Variants in SDF2 observed in about 807,000 individuals in gnomAD.
SDF2 encodes the protein stromal cell-derived factor 2.
SDF2 carries 12 observed loss-of-function variants against 20.5 expected under a neutral mutation model. The ratio of observed to expected loss-of-function variants is 0.58; its 90% CI spans 0.37 to 0.95. The LOEUF is 0.95. Among genes scored for constraint, SDF2 ranks in the 40% least tolerant of loss-of-function variants. The probability of loss-of-function intolerance (pLI) is 0.01; values close to 1 mark genes in which losing one functional copy is unlikely to be tolerated. For synonymous variants in SDF2, 100 were observed against 101.0 expected (o/e 0.99, Z 0.06); for missense variants, 238 against 263.1 (o/e 0.90, Z 0.66).
At position 28,657,260 on chromosome 17, in the gene SDF2, C is replaced by T. The variant is rs78759092; in HGVS notation, c.152-1777G>A. Among the ~76,000 whole-genome samples, 1,226 of 151,980 alleles carry T rather than the reference C, an allele frequency of 8.1e-3. 49 individuals are homozygous for T. Among genetic ancestry groups the T allele is most frequent in the Admixed American group, 0.056 (858 of 15,234 alleles). On this transcript the variant is annotated intron_variant, in intron 1 of 2. Coordinates refer to ENST00000247020, the MANE Select transcript of SDF2 (RefSeq NM_006923.4). ...AACAAAAACAAAACAAAAAATGTAT[C>T]CTTGGAGGTCTGGCACAGTGGCTCA...
intron 2 of SDF2, among the ~76,000 whole-genome samples, chr17:28,649,652 T>C (rs910724783): frequency 6.7e-6 from 1 of 149,954 alleles, no homozygotes; most frequent in Non-Finnish European, 1.5e-5. Context: ...GAGAATCGCT[T>C]GAACCCGGGA....
intron 1 of SDF2, 63 bp downstream of exon 1, chr17:28,661,663 G>GCCCCGCCCCTCCAGAGCCTCCGAGTCCT: frequency 6.4e-7 from 1 of 1,551,752 alleles, no homozygotes; most frequent in South Asian, 1.1e-5. Context: ...TATTCTATAG[G>GCCCCGCCCCTCCAGAGCCTCCGAGTCCT]CCCCGCCCCT....
rs2071888223 is a variant in SDF2 at position 28,648,951 on chromosome 17, G to C, written c.*38C>G. 1 of 1,599,876 alleles carries C rather than the reference G, an allele frequency of 6.3e-7. No homozygotes were observed. ...AGGTGAGGCAGCAACAGATGTCTGT[G>C]AACATTGTGCGTTAACAGTGGCTCA... is the stretch of plus-strand genomic sequence containing the variant. On this transcript the variant is annotated 3_prime_UTR_variant, in exon 3 of 3. Coordinates refer to ENST00000247020, the MANE Select transcript of SDF2 (RefSeq NM_006923.4).
At chr17:28,658,931 T>G (rs1292878340) in intron 1 of SDF2, among the ~76,000 whole-genome samples, 1 of 132,290 alleles carries the variant, frequency 7.6e-6, no homozygotes, top group East Asian at 2.4e-4. Flanking sequence ...AGCTCCTCAC[T>G]TAACAGACTG....
In SDF2 at chr17:28,649,201, AG is replaced by A. The variant is rs1333983374; in HGVS notation, c.423del (p.Trp142GlyfsTer2). On this transcript the variant is annotated frameshift_variant, in exon 3 of 3. Coordinates refer to ENST00000247020, the MANE Select transcript of SDF2 (RefSeq NM_006923.4). LOFTEE classifies it high-confidence loss of function. ...AACCGCACCTCACCATCTCTCACCCAGTAGGGTCCATTACAGAGCACTGTCC... is the reference window on the plus strand; with the variant it reads ...AACCGCACCTCACCATCTCTCACCCATAGGGTCCATTACAGAGCACTGTCC... Reference protein sequence around the residue: ...DDWTVLCNGPYWVRDGEVRFK... With the variant: ...DDWTVLCNGPXWVRDGEVRFK... 1 of 1,614,232 alleles carries A rather than the reference AG, an allele frequency of 6.2e-7. No individual in the cohort carries two copies. The highest frequency in any genetic ancestry group is 8.5e-7 in the Non-Finnish European group (1 of 1,180,026).
At chr17:28,651,710 C>T (rs2071915960) in intron 2 of SDF2, 1 of 152,110 alleles carries the variant, frequency 6.6e-6, no homozygotes, top group South Asian at 2.1e-4. Flanking sequence ...CATCTAAATC[C>T]CATCTTCCTT....
chr17:28,661,205 G>T, intron 1 of SDF2: 1 of 454,454 alleles, frequency 2.2e-6, no homozygotes. Flanking sequence ...AGGAGCAAGT[G>T]TAAGATGCAG....
chr17:28,649,986 C>G (rs1442350914), intron 2 of SDF2, among the ~76,000 whole-genome samples: 1 of 151,380 alleles, frequency 6.6e-6, no homozygotes, highest in East Asian at 2.0e-4. Context: ...GAGTATCGCT[C>G]TTGTTGCCCA....
chr17:28,655,201 G>A, intron 2 of SDF2, 86 bp downstream of exon 2: 2 of 1,310,578 alleles, frequency 1.5e-6, no homozygotes, highest in South Asian at 2.5e-5. Context: ...TCTACACCTA[G>A]AAAAGAAACA....
chr17:28,652,672 A>C (rs1597669110), intron 2 of SDF2, among the ~76,000 whole-genome samples: 2 of 152,224 alleles, frequency 1.3e-5, no homozygotes, highest in Non-Finnish European at 2.9e-5. Flanking sequence ...ACAAGCTTAC[A>C]TAAGGCCTAG....
chr17:28,659,727 G>A (rs2072005322), intron 1 of SDF2, among the ~76,000 whole-genome samples: 1 of 151,094 alleles, frequency 6.6e-6, no homozygotes, highest in South Asian at 2.1e-4. Context: ...CGGGGTGGCG[G>A]CCGGGCAGAG....
At chr17:28,658,115 G>A (rs962763074) in intron 1 of SDF2, among the ~76,000 whole-genome samples, 12 of 152,056 alleles carry the variant, frequency 7.9e-5, no homozygotes, top group African/African-American at 1.7e-4. Context: ...TCACAGCCAC[G>A]CTTCACTAAA....
intron 2 of SDF2, among the ~76,000 whole-genome samples, chr17:28,653,481 T>C (rs913566681): frequency 1.3e-5 from 2 of 152,196 alleles, no homozygotes; most frequent in African/African-American, 4.8e-5. Flanking sequence ...GGCAAGTATA[T>C]GTAATGTGGT....
At chr17:28,655,848 C>T (rs1567677202) in intron 1 of SDF2, 1 of 256,788 alleles carries the variant, frequency 3.9e-6, no homozygotes, top group African/African-American at 2.2e-5. Context: ...AAACCAGAGA[C>T]ATGGCTAAGC....
intron 2 of SDF2, among the ~76,000 whole-genome samples, chr17:28,650,803 C>CCA (rs2071907712): frequency 5.2e-5 from 1 of 19,074 alleles, no homozygotes; most frequent in African/African-American, 1.9e-4. Flanking sequence ...GACTTTGTCT[C>CCA]AAAAAAAAAA....
intron 1 of SDF2, among the ~76,000 whole-genome samples, chr17:28,659,407 C>T (rs1362943847): frequency 6.3e-5 from 9 of 143,386 alleles, no homozygotes; most frequent in Admixed American, 1.4e-4. Flanking sequence ...GGGTGGCGGC[C>T]GGGCAGAGGC....
chr17:28,655,333 C>T lies in SDF2; in HGVS notation c.302G>A (p.Arg101Gln). The T allele has an allele frequency of 1.9e-6, 3 of 1,614,250 alleles. No individual in the cohort carries two copies. The highest frequency in any genetic ancestry group is 2.2e-5 in the East Asian group (1 of 44,890). The change falls in exon 2 of 3, where the codon CGA becomes CAA. Residue 101 changes from arginine to glutamine, a missense_variant. Physicochemically the swap from Arg to Gln is conservative, Grantham distance 43. Transcript: ENST00000247020. ...AGTGAAGTGGTGACTATGGAGGTTT[C>T]GGCCAGTGTTGACATGTGTCAGCCG... ...PIRLTHVNTG[R>Q]NLHSHHFTSP...
chr17:28,658,114 C>T (rs562044412), intron 1 of SDF2, among the ~76,000 whole-genome samples: 32 of 152,286 alleles, frequency 2.1e-4, no homozygotes, highest in Non-Finnish European at 3.2e-4. Context: ...CTCACAGCCA[C>T]GCTTCACTAA....
chr17:28,658,736 T>C (rs2071990650), intron 1 of SDF2, among the ~76,000 whole-genome samples: 1 of 152,188 alleles, frequency 6.6e-6, no homozygotes, highest in South Asian at 2.1e-4. Flanking sequence ...AAAACCGCCA[T>C]CGTCATCATG....
Sources: gnomAD v4.1 joint callset for allele counts (sites outside exome capture counted in the v4.1 genomes callset) on GRCh38, gnomAD v4.1.1 for gene constraint, MANE v1.5 for transcripts, NCBI Gene and HGNC (gene_info 2026-07-23, HGNC 2026-07-21) for gene names.